NCKAP1: variants seen among roughly 807,000 people sequenced by gnomAD.
NCKAP1 encodes NCK associated protein 1.
Under a neutral mutation model 151.2 loss-of-function variants are expected in NCKAP1, and 21 were observed. The observed-to-expected ratio is 0.14, with a 90% CI of 0.10 to 0.20. The LOEUF is 0.20. Ranked by LOEUF, NCKAP1 falls within the 10% of genes least tolerant of loss-of-function variation. The probability of loss-of-function intolerance (pLI) is 1.00; values close to 1 mark genes in which losing one functional copy is unlikely to be tolerated. For missense variants in NCKAP1, 933 were observed against 1,352.1 expected (o/e 0.69, Z 4.86); for synonymous variants, 484 against 451.8 (o/e 1.07, Z -0.90).
chr2:183,035,935 A>T (rs1431561921), intron 1 of NCKAP1, among the ~76,000 whole-genome samples: 1 of 152,196 alleles, frequency 6.6e-6, no homozygotes, highest in African/African-American at 2.4e-5. Context: ...GTCCCTGCCC[A>T]GAGAAAATTC....
At chr2:182,986,981 C>T (rs9678423) in intron 9 of NCKAP1, among the ~76,000 whole-genome samples, 9,124 of 152,208 alleles carry the variant, frequency 0.06, 441 homozygotes, top group African/African-American at 0.13. Context: ...GTGGCTCACA[C>T]CTGTAATCCC....
chr2:183,022,944 G>C (rs971290947), intron 2 of NCKAP1: 1 of 152,154 alleles, frequency 6.6e-6, no homozygotes, highest in Non-Finnish European at 1.5e-5. Context: ...ACAATCAATT[G>C]AGATAACTCA....
In NCKAP1 at chr2:182,919,500, T is replaced by A. The variant is rs1195566810; in HGVS notation, c.*6202A>T. 1 of 152,238 alleles carries A rather than the reference T, an allele frequency of 6.6e-6. No homozygotes were observed. Among genetic ancestry groups the A allele is most frequent in the Non-Finnish European group, 1.5e-5 (1 of 68,038 alleles). The allele number at this position is 152,238 out of a possible 1,614,324, so 9.4% of individuals were successfully genotyped here. A position where few individuals can be genotyped will look rare whatever the true frequency, so the allele number is the denominator to read the frequency against. On this transcript the variant is annotated 3_prime_UTR_variant, in exon 31 of 31. Transcript: ENST00000361354. ...ATGGTCATACCTAATTAGTATGACATTCTGATTATTAACTGGATATTTCCT... is the reference window on the plus strand; with the variant it reads ...ATGGTCATACCTAATTAGTATGACAATCTGATTATTAACTGGATATTTCCT...
intron 27 of NCKAP1, among the ~76,000 whole-genome samples, chr2:182,929,134 C>T (rs1013799998): frequency 1.3e-5 from 2 of 151,230 alleles, no homozygotes; most frequent in Non-Finnish European, 3.0e-5. Context: ...ATTTCAAGGA[C>T]GTCTGATAAA....
chr2:183,026,224 T>C (rs1370631711), intron 1 of NCKAP1, among the ~76,000 whole-genome samples: 1 of 152,210 alleles, frequency 6.6e-6, no homozygotes, highest in Non-Finnish European at 1.5e-5. Flanking sequence ...GAGCCAGAAG[T>C]TGGAGACCAG....
chr2:183,021,950 T>TTATA lies in NCKAP1; in HGVS notation c.219+1852_219+1855dup. Among the ~76,000 whole-genome samples, 3 of 152,290 alleles carry TTATA rather than the reference T, an allele frequency of 2.0e-5. No individual in the cohort carries two copies. In the South Asian group the frequency reaches 6.2e-4, roughly 32 times the overall value. ...ATGGGTGAATTATATGGTATGTGAATTATACCTCAATAAAACTATTATTAA... is the reference window on the plus strand; with the variant it reads ...ATGGGTGAATTATATGGTATGTGAATTATATATACCTCAATAAAACTATTATTAA... On this transcript the variant is annotated intron_variant, in intron 2 of 30. Transcript: ENST00000361354.
intron 28 of NCKAP1, among the ~76,000 whole-genome samples, 154 bp downstream of exon 28, chr2:182,928,629 A>G (rs887784782): frequency 6.6e-6 from 1 of 152,062 alleles, no homozygotes; most frequent in African/African-American, 2.4e-5. Flanking sequence ...ACTTACACAC[A>G]TTTCATATAT....
At chr2:182,938,836 A>C (rs1696934053) in intron 24 of NCKAP1, among the ~76,000 whole-genome samples, 1 of 152,214 alleles carries the variant, frequency 6.6e-6, no homozygotes, top group African/African-American at 2.4e-5. Flanking sequence ...GGTGATCAGG[A>C]AAGCTGAGAG....
intron 25 of NCKAP1, 96 bp from the exon 26 acceptor site, chr2:182,934,928 A>G (rs1696842758): frequency 1.6e-6 from 1 of 622,516 alleles, no homozygotes; most frequent in Non-Finnish European, 2.7e-6. Flanking sequence ...AGTTTTCATA[A>G]AAATTATTTT....
At chr2:182,962,060 G>A in intron 18 of NCKAP1, 99 bp downstream of exon 18, 1 of 1,233,820 alleles carries the variant, frequency 8.1e-7, no homozygotes, top group Admixed American at 2.2e-5. Context: ...TAATAGTGTG[G>A]GAACTAAAGA....
rs77124575 is a variant in NCKAP1, at chr2:182,911,037, G to C, written c.*14665C>G. The C allele has an allele frequency of 6.7e-6, 1 of 149,896 alleles. No individual in the cohort carries two copies. The highest frequency in any genetic ancestry group is 1.5e-5 in the Non-Finnish European group (1 of 67,784). The allele number at this position is 149,896 out of a possible 1,614,324, so 9.3% of individuals were successfully genotyped here. On this transcript the variant is annotated 3_prime_UTR_variant, in exon 31 of 31. Coordinates refer to ENST00000361354, the MANE Select transcript of NCKAP1 (RefSeq NM_013436.5). ...AAAACTGAGTTCCCGGCCATGATGGGATGGGAGGTTGGGCACATCTCATTA... is the reference window on the plus strand; with the variant it reads ...AAAACTGAGTTCCCGGCCATGATGGCATGGGAGGTTGGGCACATCTCATTA...
chr2:182,952,641 C>T lies in NCKAP1; in HGVS notation c.2504-139G>A, dbSNP rs1024668622. On this transcript the variant is annotated intron_variant, in intron 22 of 30. Coordinates refer to ENST00000361354, the MANE Select transcript of NCKAP1 (RefSeq NM_013436.5). ...AGTCTCTAGAGTGAAAGAGAGAATA[C>T]AAAATGCAAAAGTAATTCTAAGATA... The T allele has an allele frequency of 9.8e-6, 11 of 1,118,416 alleles. No homozygotes were observed. In the Admixed American group the frequency reaches 2.1e-4, roughly 21 times the overall value. The allele number at this position is 1,118,416 out of a possible 1,614,324, so 69.3% of individuals were successfully genotyped here.
intron 10 of NCKAP1, among the ~76,000 whole-genome samples, chr2:182,984,427 T>G (rs866285432): frequency 0.023 from 414 of 17,822 alleles, 2 homozygotes; most frequent in African/African-American, 0.035. Flanking sequence ...GATTGGGGTG[T>G]GTGTGTGTGT....
At position 182,964,783 on chromosome 2, in the gene NCKAP1, T is replaced by G; in HGVS notation, c.1654A>C (p.Met552Leu). Reference protein sequence around the residue: ...FCFYSRAFEKMFQQCLELPSQ... With the variant: ...FCFYSRAFEKLFQQCLELPSQ... The stretch of plus-strand genomic sequence containing the variant: ...GGTAACTCCAAACACTGTTGAAACA[T>G]CTTCTCAAAAGCACGACTATAAAAA... Residue 552 changes from methionine to leucine, a missense_variant, in exon 17 of 31, where the codon ATG (methionine) becomes CTG (leucine). By Grantham distance (15) the Met-to-Leu change is conservative. This residue lies in a region of NCKAP1 where 607 missense variants were observed against 795.0 expected (regional missense o/e 0.76). Transcript: ENST00000361354. 6.2e-7 allele frequency: 1 copy of G among 1,605,060 alleles called. No homozygotes were observed. The highest frequency in any genetic ancestry group is 1.3e-5 in the African/African-American group (1 of 74,588).
At position 182,924,168 on chromosome 2, in the gene NCKAP1, G is replaced by A. The variant is rs139529822; in HGVS notation, c.*1534C>T. 2.4e-4 allele frequency: 36 copies of A among 152,074 alleles called. 1 individual carries two copies. The highest frequency in any genetic ancestry group is 8.7e-4 in the African/African-American group (36 of 41,480). The allele number at this position is 152,074 out of a possible 1,614,324, so 9.4% of individuals were successfully genotyped here. A position where few individuals can be genotyped will look rare whatever the true frequency, so the allele number is the denominator to read the frequency against. On this transcript the variant is annotated 3_prime_UTR_variant, in exon 31 of 31. Coordinates refer to ENST00000361354, the MANE Select transcript of NCKAP1 (RefSeq NM_013436.5). ...CTTTATGGAACAAGTACAATTTTTC[G>A]ACAGATAGTGACAACTACTCCCTAC...
chr2:182,926,860 T>C lies in NCKAP1; in HGVS notation c.3226A>G (p.Thr1076Ala). Residue 1076 changes from threonine (T) to alanine (A), a missense_variant, in exon 30 of 31, where the codon ACT (threonine) becomes GCT (alanine). This residue lies in a region of NCKAP1 where 326 missense variants were observed against 557.1 expected (regional missense o/e 0.59). Coordinates refer to ENST00000361354, the MANE Select transcript of NCKAP1 (RefSeq NM_013436.5). ...LLKIGQETDK[T>A]TTRNRESVYL... ...ACAGATTCTCTATTTCTTGTTGTAG[T>C]TTTATCTGTCTCCTGGCCAATTTTC... The C allele has an allele frequency of 6.2e-7, 1 of 1,606,340 alleles. No homozygotes were observed. Among genetic ancestry groups the C allele is most frequent in the Non-Finnish European group, 8.5e-7 (1 of 1,175,210 alleles).
chr2:182,974,259 TAAAAA>T (rs1173365320), intron 15 of NCKAP1, among the ~76,000 whole-genome samples: 4 of 63,276 alleles, frequency 6.3e-5, no homozygotes, highest in Non-Finnish European at 9.4e-5. Flanking sequence ...CTGTTGTCAC[TAAAAA>T]AAAAAAAAAA....
chr2:182,986,114 G>A, intron 10 of NCKAP1, 57 bp downstream of exon 10: 1 of 1,502,074 alleles, frequency 6.7e-7, no homozygotes, highest in East Asian at 2.3e-5. Context: ...TCAACAAAAT[G>A]ATGCTTTAAG....
At chr2:182,987,006 C>T (rs146256966) in intron 9 of NCKAP1, among the ~76,000 whole-genome samples, 1 of 152,276 alleles carries the variant, frequency 6.6e-6, no homozygotes, top group African/African-American at 2.4e-5. Context: ...CTTTGGGAGG[C>T]CAAGGTGGGT....
Sources: gnomAD v4.1 joint callset for allele counts (sites outside exome capture counted in the v4.1 genomes callset) on GRCh38, gnomAD v4.1.1 for gene constraint, gnomAD v4.1.1 regional missense constraint, MANE v1.5 for transcripts, NCBI Gene and HGNC (gene_info 2026-07-23, HGNC 2026-07-21) for gene names.